Variants in OPCML observed in about 807,000 individuals in gnomAD.
The protein encoded by OPCML is opioid binding protein/cell adhesion molecule like.
OPCML carries 13 observed loss-of-function variants against 37.8 expected under a neutral mutation model. The ratio of observed to expected loss-of-function variants is 0.34; its 90% CI spans 0.22 to 0.55. The LOEUF is 0.55. Ranked by LOEUF, OPCML falls within the 20% of genes least tolerant of loss-of-function variation. The probability of loss-of-function intolerance (pLI) is 0.91; values close to 1 mark genes in which losing one functional copy is unlikely to be tolerated. For synonymous variants in OPCML, 176 were observed against 168.8 expected, an observed-to-expected ratio of 1.04 and a Z score of -0.33; for missense variants, 341 against 435.6, an observed-to-expected ratio of 0.78 and a Z score of 1.93.
At chr11:132,617,537 T>C (rs4145050) in intron 3 of OPCML, among the ~76,000 whole-genome samples, 13,484 of 152,240 alleles carry the variant, frequency 0.089, 1,115 homozygotes, top group African/African-American at 0.21. Context: ...TCACCAGTCA[T>C]AGACATTGAC....
rs1018064662 is a variant in OPCML, at chr11:133,463,969, C to CT, written c.61+68294dup. Among the ~76,000 whole-genome samples, 106 of 135,742 alleles carry CT rather than the reference C, an allele frequency of 7.8e-4. 3 individuals carry two copies. Among genetic ancestry groups the CT allele is most frequent in the African/African-American group, 3.7e-3 (98 of 26,354 alleles). The allele number at this position is 135,742 out of a possible 152,430, so 89.1% of individuals were successfully genotyped here. A position where few individuals can be genotyped will look rare whatever the true frequency, so the allele number is the denominator to read the frequency against. ...AACATATCTTTGTGTTCTATTAATT[C>CT]TTTTTTTCCCAGAGCTCATATCTAT... On this transcript the variant is annotated intron_variant, in intron 1 of 7. Transcript: ENST00000524381.
chr11:132,537,679 A>G (rs1022944365), intron 3 of OPCML, among the ~76,000 whole-genome samples: 1 of 152,244 alleles, frequency 6.6e-6, no homozygotes, highest in African/African-American at 2.4e-5. Flanking sequence ...AAAATCATAT[A>G]TCTAATAACG....
chr11:132,464,981 A>C (rs1019841428), intron 4 of OPCML, among the ~76,000 whole-genome samples: 4 of 152,194 alleles, frequency 2.6e-5, no homozygotes, highest in African/African-American at 9.7e-5. Context: ...GTGTATATAC[A>C]TATCGATCTT....
chr11:132,552,423 C>G (rs1301376517), intron 3 of OPCML, among the ~76,000 whole-genome samples: 1 of 152,178 alleles, frequency 6.6e-6, no homozygotes, highest in East Asian at 1.9e-4. Context: ...CCATATTTAT[C>G]TGTAGGTTGG....
intron 1 of OPCML, among the ~76,000 whole-genome samples, chr11:133,238,300 G>A (rs1337935618): frequency 6.6e-6 from 1 of 152,134 alleles, no homozygotes; most frequent in Non-Finnish European, 1.5e-5. Flanking sequence ...CAATGCAGCT[G>A]GTCCATGCTG....
chr11:132,420,016 C>CCCAAA lies in OPCML; in HGVS notation c.*176_*177insTTTGG. On this transcript the variant is annotated 3_prime_UTR_variant, in exon 8 of 8. Transcript: ENST00000524381. ...ACCCTGCCCACCCCGCCCCCAACCC[C>CCCAAA]ACTCATTCAAGCTGGAAATAAAAGC... The CCCAAA allele has an allele frequency of 2.0e-6, 1 of 493,578 alleles. No individual in the cohort carries two copies. Among genetic ancestry groups the CCCAAA allele is most frequent in the Non-Finnish European group, 3.7e-6 (1 of 272,668 alleles). The allele number at this position is 493,578 out of a possible 1,614,324, so 30.6% of individuals were successfully genotyped here. A position where few individuals can be genotyped will look rare whatever the true frequency, so the allele number is the denominator to read the frequency against.
chr11:132,531,278 T>C (rs1216144050), intron 3 of OPCML, among the ~76,000 whole-genome samples: 2 of 152,228 alleles, frequency 1.3e-5, no homozygotes, highest in African/African-American at 4.8e-5. Flanking sequence ...AAACCTTTCT[T>C]TCTAATTTTC....
At chr11:132,768,776 C>T (rs1946541498) in intron 2 of OPCML, among the ~76,000 whole-genome samples, 2 of 152,014 alleles carry the variant, frequency 1.3e-5, no homozygotes, top group African/African-American at 4.8e-5. Context: ...CCAGCCAGGC[C>T]CCCAGCAAGG....
intron 3 of OPCML, among the ~76,000 whole-genome samples, chr11:132,583,312 T>C (rs2096466018): frequency 6.6e-6 from 1 of 152,082 alleles, no homozygotes; most frequent in Non-Finnish European, 1.5e-5. Flanking sequence ...TTTGTTTGTT[T>C]GTTTGACATG....
chr11:132,816,599 C>T (rs947499436), intron 2 of OPCML, among the ~76,000 whole-genome samples: 3 of 152,124 alleles, frequency 2.0e-5, no homozygotes, highest in South Asian at 2.1e-4. Flanking sequence ...GGAAGAGATA[C>T]GTGACACCTG....
At chr11:132,452,475 G>T (rs2096070795) in intron 4 of OPCML, among the ~76,000 whole-genome samples, 1 of 147,616 alleles carries the variant, frequency 6.8e-6, no homozygotes, top group African/African-American at 2.6e-5. Context: ...CCACCAGCCT[G>T]CCCTCCCTCC....
intron 1 of OPCML, among the ~76,000 whole-genome samples, chr11:133,306,673 G>GT (rs1196199068): frequency 6.6e-6 from 1 of 152,188 alleles, no homozygotes; most frequent in Non-Finnish European, 1.5e-5. Flanking sequence ...AGGGGGCAAT[G>GT]TAGTCCATCT....
chr11:133,472,032 A>G (rs1366198695), intron 1 of OPCML, among the ~76,000 whole-genome samples: 1 of 152,058 alleles, frequency 6.6e-6, no homozygotes, highest in East Asian at 1.9e-4. Flanking sequence ...GACCCCACCT[A>G]TTGGCTGACT....
At chr11:132,585,404 A>G (rs12806435) in intron 3 of OPCML, among the ~76,000 whole-genome samples, 1 of 116,448 alleles carries the variant, frequency 8.6e-6, no homozygotes, top group African/African-American at 5.4e-5. Context: ...ATAAAAAAAG[A>G]AAAAAAAAAC....
chr11:132,895,508 A>T (rs1246751465), intron 2 of OPCML, among the ~76,000 whole-genome samples: 3 of 152,222 alleles, frequency 2.0e-5, no homozygotes, highest in African/African-American at 7.2e-5. Context: ...AATCACAGCA[A>T]AAGCTGAACT....
intron 2 of OPCML, among the ~76,000 whole-genome samples, chr11:132,734,765 G>A (rs796266868): frequency 1.2e-4 from 18 of 152,274 alleles, no homozygotes; most frequent in African/African-American, 4.1e-4. Flanking sequence ...CTGTAAAAAC[G>A]TAAAGTACAG....
At chr11:133,458,621 A>ACACGTGTGTGTGTGTATACACATAGATG (rs1946769633) in intron 1 of OPCML, among the ~76,000 whole-genome samples, 1 of 96,860 alleles carries the variant, frequency 1.0e-5, no homozygotes, top group Non-Finnish European at 1.8e-5. Flanking sequence ...ACACATATAT[A>ACACGTGTGTGTGTGTATACACATAGATG]CACGTGTGTG....
rs973331333 is a variant in OPCML, at chr11:132,419,719, G to A, written c.*474C>T. The A allele has an allele frequency of 1.9e-5, 3 of 157,290 alleles. No homozygotes were observed. Among genetic ancestry groups the A allele is most frequent in the African/African-American group, 7.2e-5 (3 of 41,496 alleles). 9.7% of individuals were successfully genotyped at this position (157,290 alleles called of 1,614,324 possible). On this transcript the variant is annotated 3_prime_UTR_variant, in exon 8 of 8. Transcript: ENST00000524381. Reference sequence around the variant, plus strand: ...ATAATTAACATGGATGGGGGCATATGTACATTGTCATTAAGAAAATAATCA... The same window carrying A: ...ATAATTAACATGGATGGGGGCATATATACATTGTCATTAAGAAAATAATCA...
At chr11:133,505,342 G>T (rs949070077) in intron 1 of OPCML, among the ~76,000 whole-genome samples, 4 of 152,192 alleles carry the variant, frequency 2.6e-5, no homozygotes, top group Non-Finnish European at 4.4e-5. Context: ...TCTTCAAAAG[G>T]TGAGCCTGGC....
Sources: gnomAD v4.1 joint callset for allele counts (sites outside exome capture counted in the v4.1 genomes callset) on GRCh38, gnomAD v4.1.1 for gene constraint, MANE v1.5 for transcripts, NCBI Gene and HGNC (gene_info 2026-07-23, HGNC 2026-07-21) for gene names.